CCNH: variants seen among roughly 807,000 people sequenced by gnomAD.
CCNH encodes the protein cyclin H.
A neutral mutation model predicts 41.9 loss-of-function variants in CCNH; 31 were observed. That is an observed-to-expected ratio of 0.74 (90% CI 0.56 to 1.00). CCNH has a LOEUF of 1.00. Ranked by LOEUF, CCNH falls within the 50% of genes least tolerant of loss-of-function variation. The pLI, the probability that CCNH is intolerant of heterozygous loss-of-function variation, is 0.00. For synonymous variants in CCNH, 138 were observed against 136.1 expected, an observed-to-expected ratio of 1.01 and a Z score of -0.10; for missense variants, 362 against 388.4, an observed-to-expected ratio of 0.93 and a Z score of 0.57.
At chr5:87,330,926 A>G (rs555579470) in intron 9 of CCNH, 2 of 1,393,398 alleles carry the variant, frequency 1.4e-6, no homozygotes, top group South Asian at 1.6e-5. Context: ...AAAACATTTT[A>G]TATTCTCATA....
intron 6 of CCNH, among the ~76,000 whole-genome samples, chr5:87,400,419 A>C (rs1763313890): frequency 6.6e-6 from 1 of 152,242 alleles, no homozygotes; most frequent in Non-Finnish European, 1.5e-5. Flanking sequence ...CAGTAATAAA[A>C]CTAAGCTATG....
intron 9 of CCNH, among the ~76,000 whole-genome samples, chr5:87,363,789 C>T (rs1760298425): frequency 6.6e-6 from 1 of 152,050 alleles, no homozygotes; most frequent in Non-Finnish European, 1.5e-5. Context: ...GTCTTTGTCA[C>T]CTTTCCTCTG....
chr5:87,333,592 T>G (rs939983591), intron 9 of CCNH, among the ~76,000 whole-genome samples: 1 of 152,194 alleles, frequency 6.6e-6, no homozygotes, highest in Non-Finnish European at 1.5e-5. Flanking sequence ...TCTCACAAAG[T>G]AAGGAGAGTT....
intron 8 of CCNH, 193 bp from the exon 9 acceptor site, chr5:87,394,677 A>C (rs1762777517): frequency 1.4e-6 from 2 of 1,386,472 alleles, no homozygotes; most frequent in Admixed American, 3.3e-5. Flanking sequence ...GTGAGGAATA[A>C]AGGTTATGGC....
At chr5:87,396,078 C>T (rs192896729) in intron 7 of CCNH, among the ~76,000 whole-genome samples, 1 of 150,320 alleles carries the variant, frequency 6.7e-6, no homozygotes, top group African/African-American at 2.5e-5. Flanking sequence ...TGAACATGTA[C>T]AGAATTTTTT....
chr5:87,333,605 G>A (rs2112372460), intron 9 of CCNH, among the ~76,000 whole-genome samples: 1 of 152,130 alleles, frequency 6.6e-6, no homozygotes, highest in East Asian at 1.9e-4. Context: ...GGAGAGTTCT[G>A]CTTCAATCTA....
chr5:87,313,630 G>C (rs1756091914), downstream of CCNH, among the ~76,000 whole-genome samples: 1 of 152,150 alleles, frequency 6.6e-6, no homozygotes, highest in Non-Finnish European at 1.5e-5. Flanking sequence ...GTATCCACAA[G>C]TAACTTTTTA....
downstream of CCNH, among the ~76,000 whole-genome samples, chr5:87,390,006 T>TA (rs924931704): frequency 2.0e-5 from 3 of 152,156 alleles, no homozygotes; most frequent in African/African-American, 7.2e-5. Context: ...AACAAACTCT[T>TA]AGAGGAATTT....
rs933384824 is a variant in CCNH at position 87,383,622 on chromosome 5, C to T, written c.*90+9148G>A. 1.3e-5 allele frequency: 13 copies of T among 977,182 alleles called. No homozygotes were observed. The Admixed American group carries it at 1.6e-4, about 12-fold the overall frequency. 60.5% of individuals were successfully genotyped at this position (977,182 alleles called of 1,614,324 possible). On this transcript the variant is annotated intron_variant and NMD_transcript_variant, in intron 9 of 9. Coordinates refer to the CCNH transcript ENST00000645953. Reference sequence around the variant, plus strand: ...GTGAATTTTATGGGTTCTATGAGTACTAAAAATTCTGTTTATATATATTGT... The same window carrying T: ...GTGAATTTTATGGGTTCTATGAGTATTAAAAATTCTGTTTATATATATTGT...
intron 9 of CCNH, among the ~76,000 whole-genome samples, chr5:87,383,038 G>A (rs1281019709): frequency 6.6e-6 from 1 of 152,104 alleles, no homozygotes; most frequent in Admixed American, 6.6e-5. Flanking sequence ...GTTGCAGTGA[G>A]CTGTGATTGT....
At chr5:87,406,488 C>A (rs763527621) in intron 4 of CCNH, among the ~76,000 whole-genome samples, 1 of 152,132 alleles carries the variant, frequency 6.6e-6, no homozygotes, top group Non-Finnish European at 1.5e-5. Flanking sequence ...GGCTAAGCAT[C>A]ACAAATCCAA....
chr5:87,409,325 A>G lies in CCNH; in HGVS notation c.279T>C (p.Asn93=). Residue 93 remains asparagine, a synonymous_variant, in exon 3 of 9, where the codon AAT becomes AAC. Transcript: ENST00000256897. Reference sequence around the variant, plus strand: ...TGGGGTGATATTCCATTACTGAGTTATTAAGATAAAAACGTTTGAAATACA... The same window carrying G: ...TGGGGTGATATTCCATTACTGAGTTGTTAAGATAAAAACGTTTGAAATACA... ...ACMYFKRFYL[N]NSVMEYHPRI... The G allele has an allele frequency of 6.3e-7, 1 of 1,575,170 alleles. No individual in the cohort carries two copies.
chr5:87,336,698 A>G (rs1451532493), intron 9 of CCNH, among the ~76,000 whole-genome samples: 1 of 152,124 alleles, frequency 6.6e-6, no homozygotes, highest in Non-Finnish European at 1.5e-5. Flanking sequence ...TTTAACTAAG[A>G]AATGAAATTT....
At chr5:87,385,852 T>G (rs956917217) in intron 9 of CCNH, among the ~76,000 whole-genome samples, 1 of 152,086 alleles carries the variant, frequency 6.6e-6, no homozygotes, top group African/African-American at 2.4e-5. Flanking sequence ...TCTTGCCATA[T>G]GTGGAAATAG....
intron 9 of CCNH, among the ~76,000 whole-genome samples, chr5:87,328,662 A>C (rs945064333): frequency 1.3e-5 from 2 of 152,182 alleles, no homozygotes; most frequent in Non-Finnish European, 2.9e-5. Context: ...TTTCTTGGCT[A>C]CTGGGGCTAA....
downstream of CCNH, among the ~76,000 whole-genome samples, chr5:87,374,565 T>A (rs576011502): frequency 6.6e-6 from 1 of 151,642 alleles, no homozygotes; most frequent in Non-Finnish European, 1.5e-5. Context: ...AAAAAACATT[T>A]ACTAACCCAC....
Position 87,399,426 on chromosome 5 carries a change from A to G in CCNH, c.840T>C (p.Cys280=), listed in dbSNP as rs749686780. Residue 280 remains cysteine, a synonymous_variant, in exon 7 of 9, where the codon TGT becomes TGC. Coordinates refer to ENST00000256897, the MANE Select transcript of CCNH (RefSeq NM_001239.4). The part of the protein sequence containing the change: ...VAVLKQKLER[C]HSAELALNVI... ...CGTTAAGTGCAAGCTCAGCAGAATGACATCGCTCCAACTTCTGTTTCAGAA... is the reference window on the plus strand; with the variant it reads ...CGTTAAGTGCAAGCTCAGCAGAATGGCATCGCTCCAACTTCTGTTTCAGAA... The G allele has an allele frequency of 2.4e-5, 39 of 1,613,652 alleles. No homozygotes were observed. Among genetic ancestry groups the G allele is most frequent in the African/African-American group, 1.3e-5 (1 of 74,936 alleles).
intron 8 of CCNH, 23 bp downstream of exon 8, chr5:87,395,019 AGT>A (rs932568596): frequency 1.2e-6 from 2 of 1,611,722 alleles, no homozygotes; most frequent in African/African-American, 2.7e-5. Context: ...AATAACTTAG[AGT>A]TCATCTTTGG....
rs1757549441 is a variant in CCNH, at chr5:87,330,851, A to G, written c.*91-11954T>C. 5.5e-6 allele frequency: 4 copies of G among 731,974 alleles called. No homozygotes were observed. In the Admixed American group the frequency reaches 1.5e-4, roughly 28 times the overall value. 45.3% of individuals were successfully genotyped at this position (731,974 alleles called of 1,614,324 possible). A position where few individuals can be genotyped will look rare whatever the true frequency, so the allele number is the denominator to read the frequency against. On this transcript the variant is annotated intron_variant and NMD_transcript_variant, in intron 9 of 9. Coordinates refer to the CCNH transcript ENST00000645953. Reference sequence around the variant, plus strand: ...GCTTCACGTTCAAACAGGAAATTAAAATAGCATCCTTTAGACAGTGTAATT... The same window carrying G: ...GCTTCACGTTCAAACAGGAAATTAAGATAGCATCCTTTAGACAGTGTAATT...
Sources: gnomAD v4.1 joint callset for allele counts (sites outside exome capture counted in the v4.1 genomes callset) on GRCh38, gnomAD v4.1.1 for gene constraint, MANE v1.5 for transcripts, NCBI Gene and HGNC (gene_info 2026-07-23, HGNC 2026-07-21) for gene names.